Variants in CDCA2 observed in about 807,000 individuals in gnomAD.
CDCA2 encodes cell division cycle-associated protein 2.
CDCA2 carries 44 observed loss-of-function variants against 67.0 expected under a neutral mutation model. The observed-to-expected ratio is 0.66, with a 90% confidence interval of 0.52 to 0.84. The LOEUF (loss-of-function observed/expected upper bound fraction) is 0.84, where lower values mean the gene tolerates loss of function less well. Among genes scored for constraint, CDCA2 ranks in the 40% least tolerant of loss-of-function variants. The pLI, the probability that CDCA2 is intolerant of heterozygous loss-of-function variation, is 0.00. For synonymous variants in CDCA2, 447 were observed against 418.7 expected (o/e 1.07, Z -0.82); for missense variants, 1,253 against 1,203.2 (o/e 1.04, Z -0.61).
intron 9 of CDCA2, 46 bp downstream of exon 9, chr8:25,483,532 T>A: frequency 7.2e-7 from 1 of 1,384,872 alleles, no homozygotes; most frequent in Non-Finnish European, 1.0e-6. Flanking sequence ...ATCATTTTCA[T>A]GTTAGTAAAA....
At chr8:25,484,299 T>C in intron 10 of CDCA2, 89 bp downstream of exon 10, 1 of 1,476,812 alleles carries the variant, frequency 6.8e-7, no homozygotes, top group Non-Finnish European at 9.2e-7. Flanking sequence ...TGCTTTGAAA[T>C]AATGAGATAG....
rs1803874447 is a variant in CDCA2, at chr8:25,488,605, T to TCTTTA, written c.1588_1589insTTTAC (p.Gln530LeufsTer32). On this transcript the variant is annotated frameshift_variant, in exon 13 of 15. Coordinates refer to ENST00000330560, the MANE Select transcript of CDCA2 (RefSeq NM_152562.4). LOFTEE classifies it high-confidence loss of function. ...TTTGCAACTTATTGAATACAGAAGT[T>TCTTTA]CAGCCTTGTAAAGAAAAGAAAATTA... 6.2e-7 allele frequency: 1 copy of TCTTTA among 1,613,192 alleles called. No individual in the cohort carries two copies. The highest frequency in any genetic ancestry group is 1.3e-5 in the African/African-American group (1 of 74,864).
intron 7 of CDCA2, among the ~76,000 whole-genome samples, chr8:25,473,217 G>C (rs1021239174): frequency 2.0e-5 from 3 of 152,164 alleles, no homozygotes; most frequent in Non-Finnish European, 4.4e-5. Context: ...GTATTCTGCT[G>C]TGTGTATATA....
intron 13 of CDCA2, among the ~76,000 whole-genome samples, chr8:25,492,579 C>T (rs1804054662): frequency 6.6e-6 from 1 of 152,134 alleles, no homozygotes; most frequent in Non-Finnish European, 1.5e-5. Context: ...GGAAACATTA[C>T]TGTGATTTCA....
At chr8:25,492,931 T>G (rs1804069830) in intron 13 of CDCA2, among the ~76,000 whole-genome samples, 1 of 152,224 alleles carries the variant, frequency 6.6e-6, no homozygotes. Flanking sequence ...AATCCTGGGT[T>G]CATTCCTGCC....
rs1184642502 is a variant in CDCA2, at chr8:25,472,082, C to G, written c.820+2102C>G. ...GCATGACACCTCTGATCTCCTTTAC[C>G]CCCTCTGCTTCCTCTGTTTTACCTA... On this transcript the variant is annotated intron_variant, in intron 7 of 14. Transcript: ENST00000330560. 2.0e-5 allele frequency: 3 copies of G among 152,086 alleles called. 1 individual carries two copies. Among genetic ancestry groups the G allele is most frequent in the Non-Finnish European group, 2.9e-5 (2 of 68,042 alleles). The allele number at this position is 152,086 out of a possible 1,614,324, so 9.4% of individuals were successfully genotyped here.
Position 25,507,757 on chromosome 8 carries a change from T to C in CDCA2, c.*19T>C, listed in dbSNP as rs1412250333. 6.3e-6 allele frequency: 10 copies of C among 1,597,060 alleles called. No homozygotes were observed. Among genetic ancestry groups the C allele is most frequent in the Non-Finnish European group, 8.5e-6 (10 of 1,173,400 alleles). On this transcript the variant is annotated 3_prime_UTR_variant, in exon 15 of 15. Coordinates refer to ENST00000330560, the MANE Select transcript of CDCA2 (RefSeq NM_152562.4). ...GCAGTAATTGACATTTCCTGCAGAG[T>C]CTGTGGCAAGAGGGAAAGTAACCAT...
At chr8:25,467,546 A>T (rs563870092) in intron 5 of CDCA2, among the ~76,000 whole-genome samples, 1 of 152,326 alleles carries the variant, frequency 6.6e-6, no homozygotes, top group Non-Finnish European at 1.5e-5. Flanking sequence ...TCATAAAGTC[A>T]TACAGAGTAT....
chr8:25,482,306 A>G lies in CDCA2; in HGVS notation c.1033-1093A>G, dbSNP rs182402176. Among the ~76,000 whole-genome samples, 417 of 152,352 alleles carry G rather than the reference A, an allele frequency of 2.7e-3. 1 individual carries two copies. Among genetic ancestry groups the G allele is most frequent in the African/African-American group, 7.8e-3 (325 of 41,588 alleles). Reference sequence around the variant, plus strand: ...TAGGTGTGGTTCCCATGTTTAAAAGACAGAACACGATGTTATACCATTTAA... The same window carrying G: ...TAGGTGTGGTTCCCATGTTTAAAAGGCAGAACACGATGTTATACCATTTAA... On this transcript the variant is annotated intron_variant, in intron 8 of 14. Coordinates refer to ENST00000330560, the MANE Select transcript of CDCA2 (RefSeq NM_152562.4).
Position 25,503,428 on chromosome 8 carries a change from C to T in CDCA2, c.1727C>T (p.Ser576Phe), listed in dbSNP as rs149619070. The change falls in exon 14 of 15, where the codon TCT becomes TTT. Residue 576 changes from serine (S) to phenylalanine (F), a missense_variant. Coordinates refer to ENST00000330560, the MANE Select transcript of CDCA2 (RefSeq NM_152562.4). ...KGKGKKSVQK[S>F]LYGERDIASK... The stretch of plus-strand genomic sequence containing the variant: ...AAGGGAAAGAAAAGTGTTCAGAAAT[C>T]TTTATATGGGGAAAGAGACATTGCT... 6.2e-7 allele frequency: 1 copy of T among 1,614,048 alleles called. No individual in the cohort carries two copies. The highest frequency in any genetic ancestry group is 2.2e-5 in the East Asian group (1 of 44,874).
At chr8:25,478,656 G>T (rs1274520227) in intron 7 of CDCA2, among the ~76,000 whole-genome samples, 1 of 152,020 alleles carries the variant, frequency 6.6e-6, no homozygotes, top group Non-Finnish European at 1.5e-5. Context: ...CAGCCTTGCT[G>T]GGCCTCTGCT....
chr8:25,466,872 G>T (rs760073944), intron 5 of CDCA2, among the ~76,000 whole-genome samples: 3 of 151,588 alleles, frequency 2.0e-5, no homozygotes, highest in Non-Finnish European at 4.4e-5. Context: ...GTGAAACCCT[G>T]TCTCTACTAA....
At chr8:25,499,496 G>A (rs540042820) in intron 13 of CDCA2, among the ~76,000 whole-genome samples, 2 of 151,824 alleles carry the variant, frequency 1.3e-5, no homozygotes, top group South Asian at 2.1e-4. Context: ...TAGAGACGGG[G>A]TTTCGTCATG....
At chr8:25,459,994 T>C (rs1802611693) in intron 1 of CDCA2, among the ~76,000 whole-genome samples, 1 of 152,224 alleles carries the variant, frequency 6.6e-6, no homozygotes, top group Non-Finnish European at 1.5e-5. Flanking sequence ...TTTGAGATAA[T>C]GGCTACCTCA....
rs4872318 is a variant in CDCA2, at chr8:25,506,815, G to A, written c.2149G>A (p.Val717Ile). Residue 717 changes from valine (V) to isoleucine (I), a missense_variant, in exon 15 of 15, where the codon GTA becomes ATA. Coordinates refer to ENST00000330560, the MANE Select transcript of CDCA2 (RefSeq NM_152562.4). The part of the protein sequence containing the change: ...GTDSPVSCAS[V>I]TEERVASDSP... ...TGACAGTCCTGTTTCTTGTGCTTCT[G>A]TAACTGAAGAACGTGTGGCATCAGA... The A allele has an allele frequency of 0.33, 537,996 of 1,613,544 alleles. 94,564 individuals are homozygous for A. The highest frequency in any genetic ancestry group is 0.4 in the South Asian group (36,393 of 91,028).
At chr8:25,493,126 T>G (rs1293220685) in intron 13 of CDCA2, among the ~76,000 whole-genome samples, 1 of 152,148 alleles carries the variant, frequency 6.6e-6, no homozygotes, top group Non-Finnish European at 1.5e-5. Context: ...TCATGAGACA[T>G]TCAAGATATA....
Position 25,468,273 on chromosome 8 carries a change from T to G in CDCA2, c.595T>G (p.Ser199Ala). The G allele has an allele frequency of 6.2e-7, 1 of 1,613,828 alleles. No individual in the cohort carries two copies. The highest frequency in any genetic ancestry group is 8.5e-7 in the Non-Finnish European group (1 of 1,179,832). The change falls in exon 6 of 15, where the codon TCC becomes GCC. Residue 199 changes from serine to alanine, a missense_variant. Physicochemically the swap from Ser to Ala is moderately conservative, Grantham distance 99. Transcript: ENST00000330560. ...GTCTGGGTTCCCTGCAGTGTTGTCCTCCAAACGTCGGAGAATATCCTATCA... is the reference window on the plus strand; with the variant it reads ...GTCTGGGTTCCCTGCAGTGTTGTCCGCCAAACGTCGGAGAATATCCTATCA... ...QQSGFPAVLS[S>A]KRRRISYQRD...
intron 7 of CDCA2, among the ~76,000 whole-genome samples, chr8:25,478,508 T>A (rs181646132): frequency 5.5e-4 from 84 of 152,282 alleles, no homozygotes; most frequent in Non-Finnish European, 9.6e-4. Context: ...TCAAAATCTT[T>A]CATCGACTTC....
chr8:25,471,908 T>G (rs1257505209), intron 7 of CDCA2, among the ~76,000 whole-genome samples: 2 of 152,320 alleles, frequency 1.3e-5, no homozygotes, highest in East Asian at 3.9e-4. Context: ...AGATGGGGCC[T>G]TGATGAAAGG....
Sources: allele counts gnomAD v4.1 joint callset (sites outside exome capture counted in the v4.1 genomes callset), GRCh38; gene constraint gnomAD v4.1.1; transcripts MANE v1.5; gene names NCBI Gene and HGNC (gene_info 2026-07-23, HGNC 2026-07-21).